PSMC3IP: variants seen among roughly 807,000 people sequenced by gnomAD.
PSMC3IP encodes homologous-pairing protein 2 homolog.
In PSMC3IP, 26 loss-of-function variants were observed where a neutral mutation model predicts 34.9. That is an observed-to-expected ratio of 0.74 (90% CI 0.55 to 1.03). The LOEUF (loss-of-function observed/expected upper bound fraction) is 1.03, where lower values mean the gene tolerates loss of function less well. PSMC3IP is among the 50% of genes least tolerant of loss of function. The pLI, the probability that PSMC3IP is intolerant of heterozygous loss-of-function variation, is 0.00. For missense variants in PSMC3IP, 250 were observed against 263.1 expected (o/e 0.95, Z 0.34); for synonymous variants, 87 against 96.5 (o/e 0.90, Z 0.57).
In PSMC3IP at chr17:42,577,700, AC is replaced by A. The variant is rs2093085707; in HGVS notation, c.-15del. On this transcript the variant is annotated 5_prime_UTR_variant, in exon 1 of 8. Coordinates refer to ENST00000393795, the MANE Select transcript of PSMC3IP (RefSeq NM_016556.4). Reference sequence around the variant, plus strand: ...GCCTTTACTCATCGCCTTTCCCGCCACCCAACTCAGAAAGCCGGACGTTGTA... The same window carrying A: ...GCCTTTACTCATCGCCTTTCCCGCCACCAACTCAGAAAGCCGGACGTTGTA... 1 of 1,613,714 alleles carries A rather than the reference AC, an allele frequency of 6.2e-7. No homozygotes were observed. Among genetic ancestry groups the A allele is most frequent in the Non-Finnish European group, 8.5e-7 (1 of 1,179,876 alleles).
chr17:42,572,521 G>A lies in PSMC3IP; in HGVS notation c.*447C>T, dbSNP rs943307302. The A allele has an allele frequency of 2.2e-6, 1 of 454,464 alleles. No homozygotes were observed. Among genetic ancestry groups the A allele is most frequent in the Non-Finnish European group, 4.4e-6 (1 of 226,704 alleles). 28.2% of individuals were successfully genotyped at this position (454,464 alleles called of 1,614,324 possible). On this transcript the variant is annotated 3_prime_UTR_variant, in exon 8 of 8. Transcript: ENST00000393795. ...TTAAAAGGGCTCCTGGGGTACACAA[G>A]CCCAGCAGGTCCTGAGTGAAGCCGT...
chr17:42,577,585 G>T, intron 1 of PSMC3IP, 24 bp from the exon 2 acceptor site: 2 of 1,614,140 alleles, frequency 1.2e-6, no homozygotes, highest in African/African-American at 2.7e-5. Flanking sequence ...GGCAGGGGAG[G>T]GGGCCACTCA....
chr17:42,577,615 G>T, intron 1 of PSMC3IP, 38 bp downstream of exon 1: 5 of 1,614,158 alleles, frequency 3.1e-6, no homozygotes, highest in Admixed American at 1.7e-5. Context: ...CTCACCCACT[G>T]CCCTCCCGGG....
chr17:42,574,303 G>A, intron 3 of PSMC3IP, 93 bp from the exon 4 acceptor site: 1 of 1,547,320 alleles, frequency 6.5e-7, no homozygotes, highest in Non-Finnish European at 8.7e-7. Context: ...ATATGCTCAG[G>A]AACCAGCCAC....
At position 42,573,543 on chromosome 17, in the gene PSMC3IP, A is replaced by T; in HGVS notation, c.418T>A (p.Tyr140Asn). 1 of 1,614,166 alleles carries T rather than the reference A, an allele frequency of 6.2e-7. No homozygotes were observed. The highest frequency in any genetic ancestry group is 8.5e-7 in the Non-Finnish European group (1 of 1,180,026). ...IQELKKECAG[Y>N]RERLKNIKAA... ...TTAATGTTCTTCAATCTCTCTCTGTAGCCAGCGCATTCCTTCTTTAACTCC... is the reference window on the plus strand; with the variant it reads ...TTAATGTTCTTCAATCTCTCTCTGTTGCCAGCGCATTCCTTCTTTAACTCC... The change falls in exon 5 of 8, where the codon TAC becomes AAC. Residue 140 changes from tyrosine (Y) to asparagine (N), a missense_variant. Coordinates refer to ENST00000393795, the MANE Select transcript of PSMC3IP (RefSeq NM_016556.4).
chr17:42,574,153 C>A lies in PSMC3IP; in HGVS notation c.283G>T (p.Ala95Ser), dbSNP rs368701617. 61 of 1,614,054 alleles carry A rather than the reference C, an allele frequency of 3.8e-5. No individual in the cohort carries two copies. The highest frequency in any genetic ancestry group is 5.2e-5 in the Non-Finnish European group (61 of 1,180,048). ...DLQVLDGKIV[A>S]LTAKVQSLQQ... ...AAGCTCTGCACCTTAGCAGTGAGGGCCACGATTTTGCCATCTAGGACTTGA... is the reference window on the plus strand; with the variant it reads ...AAGCTCTGCACCTTAGCAGTGAGGGACACGATTTTGCCATCTAGGACTTGA... The change falls in exon 4 of 8, where the codon GCC (alanine) becomes TCC (serine). Residue 95 changes from alanine (A) to serine (S), a missense_variant. By Grantham distance (99) the Ala-to-Ser change is moderately conservative. Transcript: ENST00000393795.
At chr17:42,574,444 C>G in intron 3 of PSMC3IP, 1 of 1,180,978 alleles carries the variant, frequency 8.5e-7, no homozygotes, top group Non-Finnish European at 1.1e-6. Flanking sequence ...CCTTAAGCTA[C>G]TAGGTTGACA....
chr17:42,573,718 G>C, intron 4 of PSMC3IP, 95 bp from the exon 5 acceptor site: 1 of 1,550,782 alleles, frequency 6.4e-7, no homozygotes, highest in Non-Finnish European at 8.8e-7. Context: ...ACCTTGCTCT[G>C]GATCTATCAT....
chr17:42,577,623 G>C, intron 1 of PSMC3IP, 30 bp downstream of exon 1: 1 of 1,614,142 alleles, frequency 6.2e-7, no homozygotes, highest in Non-Finnish European at 8.5e-7. Flanking sequence ...CTGCCCTCCC[G>C]GGTCTTCCCC....
rs1272392846 is a variant in PSMC3IP at position 42,575,968 on chromosome 17, C to T, written c.225+1245G>A. On this transcript the variant is annotated intron_variant, in intron 3 of 7. Coordinates refer to ENST00000393795, the MANE Select transcript of PSMC3IP (RefSeq NM_016556.4). ...CCCAGGAGGTGGAGCTTATAGTGAG[C>T]CGAGATTGTGCCACTGCACTCCAGC... 2.0e-5 allele frequency among the ~76,000 whole-genome samples: 3 copies of T among 152,032 alleles called. No individual in the cohort carries two copies. The East Asian group carries it at 5.8e-4, about 29-fold the overall frequency.
At chr17:42,576,975 G>T in intron 3 of PSMC3IP, 2 of 918,550 alleles carry the variant, frequency 2.2e-6, no homozygotes, top group Non-Finnish European at 3.1e-6. Flanking sequence ...GAGCTTTGGA[G>T]CGGAAATGGA....
At position 42,574,091 on chromosome 17, in the gene PSMC3IP, A is replaced by G. The variant is rs1383775846; in HGVS notation, c.337+8T>C. On this transcript the variant is annotated splice_region_variant and intron_variant, in intron 4 of 7. Transcript: ENST00000393795. The stretch of plus-strand genomic sequence containing the variant: ...TATGGGCACTTTGGAGGGGCTACCC[A>G]GTCCTACCAGCCTCCATGTAGCGGC... 1.2e-6 allele frequency: 2 copies of G among 1,614,148 alleles called. No homozygotes were observed. The highest frequency in any genetic ancestry group is 1.3e-5 in the African/African-American group (1 of 75,068).
At chr17:42,575,134 C>T (rs2093067149) in intron 3 of PSMC3IP, among the ~76,000 whole-genome samples, 1 of 152,074 alleles carries the variant, frequency 6.6e-6, no homozygotes, top group Admixed American at 6.6e-5. Context: ...AAGAACTGCA[C>T]TGGGGATCAG....
upstream of PSMC3IP, chr17:42,577,830 C>T (rs752401161): frequency 5.9e-6 from 6 of 1,012,754 alleles, no homozygotes; most frequent in South Asian, 2.7e-5. Context: ...CTCCCGGACT[C>T]CATAGTTCAT....
Position 42,572,462 on chromosome 17 carries a change from C to T in PSMC3IP, c.*506G>A. 2.2e-6 allele frequency: 1 copy of T among 454,526 alleles called. No homozygotes were observed. Among genetic ancestry groups the T allele is most frequent in the Non-Finnish European group, 4.4e-6 (1 of 226,764 alleles). The allele number at this position is 454,526 out of a possible 1,614,324, so 28.2% of individuals were successfully genotyped here. On this transcript the variant is annotated 3_prime_UTR_variant, in exon 8 of 8. Transcript: ENST00000393795. ...AGTGTTGCCTGCATTTCTCCCAGGA[C>T]TTGGGGGTGGGGTGAAAAGCGTACA...
Position 42,573,965 on chromosome 17 carries a change from T to G in PSMC3IP, c.337+134A>C, listed in dbSNP as rs918308613. ...GTTAGTTATCCTACATTTCTTTTTATGCCTAAGGGAGCCCAGCAAAGGGGT... is the reference window on the plus strand; with the variant it reads ...GTTAGTTATCCTACATTTCTTTTTAGGCCTAAGGGAGCCCAGCAAAGGGGT... On this transcript the variant is annotated intron_variant, in intron 4 of 7. Transcript: ENST00000393795. The G allele has an allele frequency of 5.8e-6, 9 of 1,540,616 alleles. No homozygotes were observed. In the African/African-American group the frequency reaches 1.1e-4, roughly 19 times the overall value.
chr17:42,572,587 C>T lies in PSMC3IP; in HGVS notation c.*381G>A. On this transcript the variant is annotated 3_prime_UTR_variant, in exon 8 of 8. Transcript: ENST00000393795. ...TCGTTTTATAGCAACCTCTCTCTACCCTAGTTCTCCAAATTCACTTCTGCC... is the reference window on the plus strand; with the variant it reads ...TCGTTTTATAGCAACCTCTCTCTACTCTAGTTCTCCAAATTCACTTCTGCC... The T allele has an allele frequency of 4.4e-6, 2 of 453,184 alleles. No individual in the cohort carries two copies. The highest frequency in any genetic ancestry group is 8.8e-6 in the Non-Finnish European group (2 of 226,216). 28.1% of individuals were successfully genotyped at this position (453,184 alleles called of 1,614,324 possible).
At chr17:42,573,419 G>A in intron 5 of PSMC3IP, 55 bp from the exon 6 acceptor site, 2 of 1,614,200 alleles carry the variant, frequency 1.2e-6, no homozygotes, top group South Asian at 2.2e-5. Context: ...AGCCCTCTGG[G>A]GCTCAGCCCT....
At chr17:42,575,802 A>ATC (rs1305934983) in intron 3 of PSMC3IP, among the ~76,000 whole-genome samples, 1 of 150,744 alleles carries the variant, frequency 6.6e-6, no homozygotes, top group Non-Finnish European at 1.5e-5. Flanking sequence ...AGGTCAGGAG[A>ATC]TCAAGACCAT....
Sources: allele counts gnomAD v4.1 joint callset (sites outside exome capture counted in the v4.1 genomes callset), GRCh38; gene constraint gnomAD v4.1.1; transcripts MANE v1.5; gene names NCBI Gene and HGNC (gene_info 2026-07-23, HGNC 2026-07-21).